The following B4GALT3 variants were observed in gnomAD, a reference collection of about 807,000 sequenced individuals.
B4GALT3 encodes N-acetyllactosamine synthase.
B4GALT3 carries 29 observed loss-of-function variants against 40.7 expected under a neutral mutation model. The ratio of observed to expected loss-of-function variants is 0.71; its 90% CI spans 0.53 to 0.97. The LOEUF (loss-of-function observed/expected upper bound fraction) is 0.97. B4GALT3 is among the 50% of genes least tolerant of loss of function. B4GALT3 has a pLI of 0.00. For synonymous variants in B4GALT3, 182 were observed against 203.9 expected (o/e 0.89, Z 0.92); for missense variants, 390 against 522.3 (o/e 0.75, Z 2.47).
chr1:161,177,166 T>A, intron 1 of B4GALT3: 7 of 1,262,592 alleles, frequency 5.5e-6, no homozygotes, highest in Non-Finnish European at 6.6e-6. Context: ...CTGGAAGGGC[T>A]CACCTAGAGG....
chr1:161,176,126 C>G, intron 2 of B4GALT3, 52 bp from the exon 3 acceptor site: 1 of 1,585,408 alleles, frequency 6.3e-7, no homozygotes, highest in Non-Finnish European at 8.6e-7. Context: ...AGCAAGCCAG[C>G]AGAGAGGTCA....
Position 161,171,520 on chromosome 1 carries a change from C to T in B4GALT3, c.*296G>A, listed in dbSNP as rs534337925. On this transcript the variant is annotated 3_prime_UTR_variant, in exon 8 of 8. Coordinates refer to ENST00000319769, the MANE Select transcript of B4GALT3 (RefSeq NM_003779.4). Reference sequence around the variant, plus strand: ...CTTCTCTCCATGGAAGAGGGAGGGGCTTGGGGTCCAGCCCTGCTCCTACTC... The same window carrying T: ...CTTCTCTCCATGGAAGAGGGAGGGGTTTGGGGTCCAGCCCTGCTCCTACTC... The T allele has an allele frequency of 1.2e-5, 7 of 578,784 alleles. No individual in the cohort carries two copies. Among genetic ancestry groups the T allele is most frequent in the South Asian group, 8.2e-5 (4 of 48,608 alleles). 35.9% of individuals were successfully genotyped at this position (578,784 alleles called of 1,614,324 possible). A position where few individuals can be genotyped will look rare whatever the true frequency, so the allele number is the denominator to read the frequency against.
rs754441286 is a variant in B4GALT3 at position 161,172,265 on chromosome 1, C to G, written c.870G>C (p.Lys290Asn). Residue 290 changes from lysine to asparagine, a missense_variant, in exon 7 of 8, where the codon AAG becomes AAC. Around this residue, in one of 3 missense-constraint regions of B4GALT3, gnomAD observed 135 missense variants for 227.8 expected, o/e 0.59. Transcript: ENST00000319769. ...CCTCATTGCCCTTATCTCCTCGGTGCTTCACCATCTTATAGTGTCCTACAG... is the reference window on the plus strand; with the variant it reads ...CCTCATTGCCCTTATCTCCTCGGTGGTTCACCATCTTATAGTGTCCTACAG... ...PTSVGHYKMV[K>N]HRGDKGNEEN... 6.2e-7 allele frequency: 1 copy of G among 1,614,138 alleles called. No homozygotes were observed. Among genetic ancestry groups the G allele is most frequent in the Non-Finnish European group, 8.5e-7 (1 of 1,180,040 alleles).
rs909148424 is a variant in B4GALT3, at chr1:161,177,259, T to C, written c.-161+164A>G. 11 of 616,904 alleles carry C rather than the reference T, an allele frequency of 1.8e-5. No individual in the cohort carries two copies. In the African/African-American group the frequency reaches 2.0e-4, roughly 11 times the overall value. The allele number at this position is 616,904 out of a possible 1,614,324, so 38.2% of individuals were successfully genotyped here. ...CTATCCCAGTCTCTTGCTTTTGCCCTACCTACTAGCAACGTGAGCCCGCCC... is the reference window on the plus strand; with the variant it reads ...CTATCCCAGTCTCTTGCTTTTGCCCCACCTACTAGCAACGTGAGCCCGCCC... On this transcript the variant is annotated intron_variant, in intron 1 of 7. Coordinates refer to ENST00000319769, the MANE Select transcript of B4GALT3 (RefSeq NM_003779.4).
At chr1:161,176,185 A>C in intron 2 of B4GALT3, 111 bp from the exon 3 acceptor site, 1 of 1,242,456 alleles carries the variant, frequency 8.0e-7, no homozygotes. Context: ...AAAAGCAGAA[A>C]ACAAAGTCAC....
chr1:161,175,630 T>A (rs1663213321), intron 3 of B4GALT3, among the ~76,000 whole-genome samples, 178 bp downstream of exon 3: 3 of 152,046 alleles, frequency 2.0e-5, no homozygotes, highest in African/African-American at 7.2e-5. Flanking sequence ...AAACTCCCAA[T>A]TCAGAGTCTA....
intron 6 of B4GALT3, 198 bp from the exon 7 acceptor site, chr1:161,172,529 C>T: frequency 1.7e-6 from 1 of 577,584 alleles, no homozygotes; most frequent in South Asian, 2.3e-5. Flanking sequence ...TCCTCAGGGC[C>T]CAGTGCCAGT....
chr1:161,171,426 C>T lies in B4GALT3; in HGVS notation c.*390G>A. ...AATGCCCAGGGAGGGGCTTCCTTCA[C>T]CAAACAACTTCCCGGGAACCATAAA... On this transcript the variant is annotated 3_prime_UTR_variant, in exon 8 of 8. Transcript: ENST00000319769. 1 of 640,056 alleles carries T rather than the reference C, an allele frequency of 1.6e-6. No individual in the cohort carries two copies. The highest frequency in any genetic ancestry group is 2.0e-5 in the South Asian group (1 of 51,096). 39.6% of individuals were successfully genotyped at this position (640,056 alleles called of 1,614,324 possible).
intron 1 of B4GALT3, 100 bp from the exon 2 acceptor site, chr1:161,176,679 T>C: frequency 1.7e-6 from 1 of 604,460 alleles, no homozygotes; most frequent in East Asian, 2.8e-5. Context: ...AGGAAAGTGG[T>C]TGGAAAGGAA....
At position 161,171,880 on chromosome 1, in the gene B4GALT3, C is replaced by T. The variant is rs367641577; in HGVS notation, c.1118G>A (p.Arg373Gln). The T allele has an allele frequency of 1.6e-5, 26 of 1,614,166 alleles. 1 individual carries two copies. In the Middle Eastern group the frequency reaches 6.6e-4, roughly 41 times the overall value. ...QAFRQEMLQR[R>Q]PPARPGPLST... Reference sequence around the variant, plus strand: ...TAGAGGCCCAGGCCTGGCTGGGGGCCGGCGTTGCAGCATCTCTTGACGGAA... The same window carrying T: ...TAGAGGCCCAGGCCTGGCTGGGGGCTGGCGTTGCAGCATCTCTTGACGGAA... The change falls in exon 8 of 8, where the codon CGG (arginine) becomes CAG (glutamine). Residue 373 changes from arginine to glutamine, a missense_variant. Arg to Gln is a conservative substitution (Grantham distance 43). Around this residue, in one of 3 missense-constraint regions of B4GALT3, gnomAD observed 72 missense variants for 71.3 expected, o/e 1.01. Transcript: ENST00000319769.
chr1:161,174,512 T>C (rs931854743), intron 4 of B4GALT3, among the ~76,000 whole-genome samples: 7 of 152,236 alleles, frequency 4.6e-5, no homozygotes, highest in African/African-American at 1.7e-4. Context: ...TTTTTCCACT[T>C]AGTCATTTGA....
rs987716260 is a variant in B4GALT3 at position 161,171,656 on chromosome 1, C to G, written c.*160G>C. On this transcript the variant is annotated 3_prime_UTR_variant, in exon 8 of 8. Coordinates refer to ENST00000319769, the MANE Select transcript of B4GALT3 (RefSeq NM_003779.4). ...GAGGGACCCCTCAGGTCTACAGGAG[C>G]CCAGCTCCAGTCCAGCAGTGAGGGA... The G allele has an allele frequency of 1.9e-6, 2 of 1,030,424 alleles. No homozygotes were observed. The highest frequency in any genetic ancestry group is 1.4e-6 in the Non-Finnish European group (1 of 720,296). 63.8% of individuals were successfully genotyped at this position (1,030,424 alleles called of 1,614,324 possible).
intron 6 of B4GALT3, 88 bp downstream of exon 6, chr1:161,173,517 T>TA: frequency 2.5e-6 from 4 of 1,581,484 alleles, no homozygotes; most frequent in Non-Finnish European, 3.5e-6. Context: ...AGCTAAAGGT[T>TA]AGTGTTGAAG....
rs763776973 is a variant in B4GALT3, at chr1:161,172,338, G to A, written c.804-7C>T. On this transcript the variant is annotated splice_polypyrimidine_tract_variant and splice_region_variant and intron_variant, in intron 6 of 7. Transcript: ENST00000319769. ...CATCCCAGCCAGGCGCACCCTATGG[G>A]AAAAGTGAGGGTATCATGGGGGATC... 1.9e-6 allele frequency: 3 copies of A among 1,612,260 alleles called. No individual in the cohort carries two copies. The highest frequency in any genetic ancestry group is 2.2e-5 in the South Asian group (2 of 90,896).
chr1:161,172,354 A>G (rs776265561), intron 6 of B4GALT3, 23 bp from the exon 7 acceptor site: 142 of 1,601,032 alleles, frequency 8.9e-5, no homozygotes, highest in Non-Finnish European at 1.2e-4. Flanking sequence ...TGAGGGTATC[A>G]TGGGGGATCC....
chr1:161,177,287 C>A (rs1039437582), intron 1 of B4GALT3, 136 bp downstream of exon 1: 1 of 576,162 alleles, frequency 1.7e-6, no homozygotes, highest in African/African-American at 1.9e-5. Context: ...GCCCGCCCGG[C>A]CCCCGTCCAT....
In B4GALT3 at chr1:161,171,949, C is replaced by T. The variant is rs768971975; in HGVS notation, c.1049G>A (p.Arg350Gln). ...TGGGTAACGTGGCCCAGAAGGAGCCCGAGGACCCCGAGGGTCAGTCCCAAT... is the reference window on the plus strand; with the variant it reads ...TGGGTAACGTGGCCCAGAAGGAGCCTGAGGACCCCGAGGGTCAGTCCCAAT... ...ADIGTDPRGP[R>Q]APSGPRYPPG... Residue 350 changes from arginine (R) to glutamine (Q), a missense_variant, in exon 8 of 8, where the codon CGG becomes CAG. Around this residue, in one of 3 missense-constraint regions of B4GALT3, gnomAD observed 72 missense variants for 71.3 expected, o/e 1.01. Coordinates refer to ENST00000319769, the MANE Select transcript of B4GALT3 (RefSeq NM_003779.4). 46 of 1,613,948 alleles carry T rather than the reference C, an allele frequency of 2.9e-5. No homozygotes were observed. The South Asian group carries it at 3.3e-4, about 12-fold the overall frequency.
chr1:161,175,979 G>A lies in B4GALT3; in HGVS notation c.82C>T (p.Leu28=). Residue 28 remains leucine, a synonymous_variant, in exon 3 of 8, where the codon CTG becomes TTG. Transcript: ENST00000319769. ...SQLAVMMYLS[L]GGFRSLSALF... ...GCACTGAGACTTCGGAAGCCCCCCA[G>A]TGACAGGTACATCATGACAGCCAGC... The A allele has an allele frequency of 6.2e-7, 1 of 1,614,124 alleles. No individual in the cohort carries two copies. Among genetic ancestry groups the A allele is most frequent in the Non-Finnish European group, 8.5e-7 (1 of 1,180,028 alleles).
At position 161,175,240 on chromosome 1, in the gene B4GALT3, G is replaced by A; in HGVS notation, c.254-12C>T. On this transcript the variant is annotated splice_polypyrimidine_tract_variant and intron_variant, in intron 3 of 7. Coordinates refer to ENST00000319769, the MANE Select transcript of B4GALT3 (RefSeq NM_003779.4). ...CGACACAGGACCCACTGTTGGGAAGGAATGGCAAGTAGAGGGATCAGAGGG... is the reference window on the plus strand; with the variant it reads ...CGACACAGGACCCACTGTTGGGAAGAAATGGCAAGTAGAGGGATCAGAGGG... 1.9e-6 allele frequency: 3 copies of A among 1,608,722 alleles called. No homozygotes were observed. Among genetic ancestry groups the A allele is most frequent in the Non-Finnish European group, 2.6e-6 (3 of 1,176,282 alleles).
Sources: allele counts gnomAD v4.1 joint callset (sites outside exome capture counted in the v4.1 genomes callset), GRCh38; gene constraint gnomAD v4.1.1; regional missense constraint gnomAD v4.1.1; transcripts MANE v1.5; gene names NCBI Gene and HGNC (gene_info 2026-07-23, HGNC 2026-07-21).